The following HSDL2 variants were observed in gnomAD, a reference collection of about 807,000 sequenced individuals.
HSDL2 encodes the protein hydroxysteroid dehydrogenase like 2.
HSDL2 carries 27 observed loss-of-function variants against 46.3 expected under a neutral mutation model. That is an observed-to-expected ratio of 0.58 (90% CI 0.43 to 0.80). The LOEUF (loss-of-function observed/expected upper bound fraction) is 0.80. Ranked by LOEUF, HSDL2 falls within the 30% of genes least tolerant of loss-of-function variation. HSDL2 has a pLI of 0.00. For missense variants in HSDL2, 451 were observed against 502.7 expected (o/e 0.90, Z 0.98); for synonymous variants, 153 against 163.6 (o/e 0.94, Z 0.50).
chr9:112,401,050 C>G (rs1468694749), intron 1 of HSDL2, among the ~76,000 whole-genome samples: 2 of 152,148 alleles, frequency 1.3e-5, no homozygotes, highest in Non-Finnish European at 2.9e-5. Context: ...CCGGGGTTAT[C>G]TTCCTGTTAT....
chr9:112,382,598 T>A (rs1365884338), intron 1 of HSDL2, among the ~76,000 whole-genome samples: 2 of 152,158 alleles, frequency 1.3e-5, no homozygotes, highest in Non-Finnish European at 1.5e-5. Flanking sequence ...GTGAGTAGAG[T>A]ACAGGGATGC....
At chr9:112,391,866 A>G (rs893342528) in intron 1 of HSDL2, among the ~76,000 whole-genome samples, 1 of 150,402 alleles carries the variant, frequency 6.6e-6, no homozygotes, top group Non-Finnish European at 1.5e-5. Context: ...AGCCTGGGCG[A>G]CAAGAGCAAA....
At chr9:112,468,719 T>C (rs1833471948) in intron 10 of HSDL2, among the ~76,000 whole-genome samples, 1 of 152,202 alleles carries the variant, frequency 6.6e-6, no homozygotes, top group South Asian at 2.1e-4. Context: ...AGGGCAGAGA[T>C]TGTGGAATTT....
intron 1 of HSDL2, among the ~76,000 whole-genome samples, chr9:112,388,538 T>TTCACCTAGGTG (rs1831268740): frequency 6.8e-6 from 1 of 146,524 alleles, no homozygotes; most frequent in African/African-American, 2.5e-5. Context: ...CCTAGGTGGG[T>TTCACCTAGGTG]GGATCACAAG....
At chr9:112,386,473 A>T (rs1831219632) in intron 1 of HSDL2, among the ~76,000 whole-genome samples, 1 of 152,150 alleles carries the variant, frequency 6.6e-6, no homozygotes, top group Admixed American at 6.5e-5. Flanking sequence ...TGCTATATAT[A>T]AAAGTCAACA....
intron 6 of HSDL2, among the ~76,000 whole-genome samples, chr9:112,422,837 TCCAAG>T (rs1376808725): frequency 2.0e-5 from 3 of 152,314 alleles, no homozygotes; most frequent in Admixed American, 6.5e-5. Context: ...AAAAAAATCT[TCCAAG>T]CCTTCAGGCA....
At chr9:112,409,443 G>A (rs1831809735) in intron 4 of HSDL2, among the ~76,000 whole-genome samples, 1 of 152,008 alleles carries the variant, frequency 6.6e-6, no homozygotes, top group Non-Finnish European at 1.5e-5. Flanking sequence ...CACCCACCTT[G>A]GCCTCCCAAA....
intron 9 of HSDL2, among the ~76,000 whole-genome samples, chr9:112,458,950 C>T (rs1833118333): frequency 6.6e-6 from 1 of 151,800 alleles, no homozygotes; most frequent in African/African-American, 2.4e-5. Context: ...CACTGCACTC[C>T]AGCCTGGGCG....
intron 6 of HSDL2, among the ~76,000 whole-genome samples, chr9:112,428,327 A>G (rs1302224520): frequency 6.6e-6 from 1 of 152,190 alleles, no homozygotes; most frequent in Admixed American, 6.5e-5. Flanking sequence ...CCTGGTCCTC[A>G]CTGTGGGACC....
chr9:112,464,704 A>G (rs1833324648), intron 10 of HSDL2, among the ~76,000 whole-genome samples: 1 of 152,244 alleles, frequency 6.6e-6, no homozygotes, highest in Non-Finnish European at 1.5e-5. Context: ...TTATTGAGAT[A>G]TAATTCATAT....
intron 6 of HSDL2, among the ~76,000 whole-genome samples, chr9:112,423,644 T>C (rs115170770): frequency 0.016 from 2,384 of 151,672 alleles, 56 homozygotes; most frequent in African/African-American, 0.055. Flanking sequence ...TATATGAGCA[T>C]GGGAACATTA....
intron 6 of HSDL2, chr9:112,434,164 T>C (rs1009370420): frequency 2.0e-5 from 3 of 152,222 alleles, no homozygotes; most frequent in Non-Finnish European, 4.4e-5. Context: ...CTATTCACAA[T>C]GCCTACTCTT....
intron 4 of HSDL2, among the ~76,000 whole-genome samples, chr9:112,409,706 T>C (rs1537055): frequency 6.6e-6 from 1 of 152,006 alleles, no homozygotes; most frequent in South Asian, 2.1e-4. Context: ...GCATAGTGGT[T>C]TGTGTGCTAC....
In HSDL2 at chr9:112,403,989, T is replaced by A; in HGVS notation, c.18-6T>A. ...TTCTAATAAGGTCGTATTTGTTCTGTTGTAGGAGGCTGGCAGGATGTACAG... is the reference window on the plus strand; with the variant it reads ...TTCTAATAAGGTCGTATTTGTTCTGATGTAGGAGGCTGGCAGGATGTACAG... On this transcript the variant is annotated splice_region_variant and splice_polypyrimidine_tract_variant and intron_variant, in intron 1 of 10. Transcript: ENST00000398805. The A allele has an allele frequency of 6.2e-7, 1 of 1,613,450 alleles. No homozygotes were observed. Among genetic ancestry groups the A allele is most frequent in the Non-Finnish European group, 8.5e-7 (1 of 1,179,604 alleles).
At chr9:112,408,824 C>A in intron 3 of HSDL2, 83 bp from the exon 4 acceptor site, 3 of 672,932 alleles carry the variant, frequency 4.5e-6, no homozygotes, top group East Asian at 2.8e-5. Flanking sequence ...TGTGAATCAA[C>A]TGAGGGTTCA....
At chr9:112,468,196 T>C (rs1833449126) in intron 10 of HSDL2, among the ~76,000 whole-genome samples, 1 of 152,180 alleles carries the variant, frequency 6.6e-6, no homozygotes, top group African/African-American at 2.4e-5. Flanking sequence ...CTGAAAGTTT[T>C]TGAAATCAGA....
At chr9:112,409,049 A>T in intron 4 of HSDL2, 28 bp downstream of exon 4, 1 of 1,294,002 alleles carries the variant, frequency 7.7e-7, no homozygotes, top group Non-Finnish European at 1.1e-6. Context: ...GTTGTTGGGG[A>T]GGAAGTTGCG....
intron 2 of HSDL2, among the ~76,000 whole-genome samples, chr9:112,404,437 G>C (rs1208623497): frequency 1.3e-5 from 2 of 152,096 alleles, no homozygotes; most frequent in Non-Finnish European, 2.9e-5. Context: ...GGGAGGCTGA[G>C]GCAGGAGAAT....
intron 6 of HSDL2, chr9:112,433,748 C>T (rs555253328): frequency 1.3e-5 from 2 of 152,346 alleles, no homozygotes; most frequent in Non-Finnish European, 1.5e-5. Flanking sequence ...TCATCTTAGA[C>T]GACAGCGTAG....
Sources: gnomAD v4.1 joint callset for allele counts (sites outside exome capture counted in the v4.1 genomes callset) on GRCh38, gnomAD v4.1.1 for gene constraint, MANE v1.5 for transcripts, NCBI Gene and HGNC (gene_info 2026-07-23, HGNC 2026-07-21) for gene names.